Variants in TRIP13 observed in about 807,000 individuals in gnomAD.
TRIP13 encodes the protein pachytene checkpoint protein 2 homolog.
In TRIP13, 25 loss-of-function variants were observed where a neutral mutation model predicts 54.4. That is an observed-to-expected ratio of 0.46 (90% CI 0.33 to 0.64). The LOEUF (loss-of-function observed/expected upper bound fraction) is 0.64, where lower values mean the gene tolerates loss of function less well. TRIP13 is among the 30% of genes least tolerant of loss of function. TRIP13 has a pLI of 0.02. For missense variants in TRIP13, 373 were observed against 534.2 expected (o/e 0.70, Z 2.97); for synonymous variants, 207 against 207.8 (o/e 1.00, Z 0.03).
chr5:905,201 C>T (rs113274199), intron 6 of TRIP13, among the ~76,000 whole-genome samples: 2 of 152,114 alleles, frequency 1.3e-5, no homozygotes, highest in African/African-American at 4.8e-5. Flanking sequence ...AATTGTGGTC[C>T]TCTGGGGTCT....
rs1402650463 is a variant in TRIP13 at position 900,404 on chromosome 5, A to G, written c.389-90A>G. 7.1e-6 allele frequency: 9 copies of G among 1,272,322 alleles called. No homozygotes were observed. The East Asian group carries it at 1.9e-4, about 27-fold the overall frequency. 78.8% of individuals were successfully genotyped at this position (1,272,322 alleles called of 1,614,324 possible). ...TCTTGCCTGGAGCAGCACAATGGGA[A>G]GCTCAGGCTTAGGCTCAGGGGAGAC... On this transcript the variant is annotated intron_variant, in intron 3 of 12. Coordinates refer to ENST00000166345, the MANE Select transcript of TRIP13 (RefSeq NM_004237.4).
intron 3 of TRIP13, among the ~76,000 whole-genome samples, chr5:897,186 T>C (rs1753935707): frequency 6.7e-6 from 1 of 149,956 alleles, no homozygotes; most frequent in Admixed American, 6.6e-5. Context: ...TTGGATGGGC[T>C]CTAGCAGGCC....
chr5:906,776 A>G (rs992850054), intron 6 of TRIP13, among the ~76,000 whole-genome samples: 2 of 152,130 alleles, frequency 1.3e-5, no homozygotes, highest in Non-Finnish European at 2.9e-5. Context: ...AAGGAGGGGA[A>G]AATGCTCAGC....
intron 3 of TRIP13, 76 bp downstream of exon 3, chr5:896,870 G>A (rs867729676): frequency 4.8e-6 from 7 of 1,465,212 alleles, no homozygotes; most frequent in Admixed American, 2.2e-5. Flanking sequence ...CAGTTCACAG[G>A]GGGGGTTCTG....
rs1754370496 is a variant in TRIP13, at chr5:917,926, C to T, written c.*823C>T. ...CTCTTTCTCCGAATGTTATGTTTTGCTTTTATCTCACAGTAAAATAAATAT... is the reference window on the plus strand; with the variant it reads ...CTCTTTCTCCGAATGTTATGTTTTGTTTTTATCTCACAGTAAAATAAATAT... On this transcript the variant is annotated 3_prime_UTR_variant, in exon 13 of 13. Coordinates refer to ENST00000166345, the MANE Select transcript of TRIP13 (RefSeq NM_004237.4). The T allele has an allele frequency of 6.6e-6, 1 of 152,118 alleles. No individual in the cohort carries two copies. Among genetic ancestry groups the T allele is most frequent in the East Asian group, 1.9e-4 (1 of 5,204 alleles). 9.4% of individuals were successfully genotyped at this position (152,118 alleles called of 1,614,324 possible). A position where few individuals can be genotyped will look rare whatever the true frequency, so the allele number is the denominator to read the frequency against.
chr5:915,650 G>A lies in TRIP13; in HGVS notation c.1134-254G>A, dbSNP rs999751763. ...TGCCTTGGGTGTGCTTCAGAGCCGCGAGGACACTGCCTCCCAGAGCAGGAG... is the reference window on the plus strand; with the variant it reads ...TGCCTTGGGTGTGCTTCAGAGCCGCAAGGACACTGCCTCCCAGAGCAGGAG... On this transcript the variant is annotated intron_variant, in intron 11 of 12. Coordinates refer to ENST00000166345, the MANE Select transcript of TRIP13 (RefSeq NM_004237.4). This position sits in a 1 kb window ranked among gnomAD's most constrained non-coding sequence, Gnocchi z 4.2. Among the ~76,000 whole-genome samples the A allele has an allele frequency of 6.6e-6, 1 of 152,206 alleles. No homozygotes were observed. The highest frequency in any genetic ancestry group is 2.4e-5 in the African/African-American group (1 of 41,444).
At chr5:896,056 G>A (rs896668487) in intron 2 of TRIP13, among the ~76,000 whole-genome samples, 3 of 152,248 alleles carry the variant, frequency 2.0e-5, no homozygotes, top group Non-Finnish European at 2.9e-5. Flanking sequence ...GCTCATGCCT[G>A]TAGTCCCAGC....
chr5:894,984 GTT>G lies in TRIP13; in HGVS notation c.258+33_258+34del, dbSNP rs751421681. 5 of 1,560,196 alleles carry G rather than the reference GTT, an allele frequency of 3.2e-6. No homozygotes were observed. The African/African-American group carries it at 9.4e-5, about 29-fold the overall frequency. Reference sequence around the variant, plus strand: ...TACTAATTTGCTGGGCCAAGGAACAGTTAGCTGAATACAAAAGGTTGTATCAT... The same window carrying G: ...TACTAATTTGCTGGGCCAAGGAACAGAGCTGAATACAAAAGGTTGTATCAT... On this transcript the variant is annotated intron_variant, in intron 2 of 12. Coordinates refer to ENST00000166345, the MANE Select transcript of TRIP13 (RefSeq NM_004237.4).
chr5:895,697 T>C (rs1397373569), intron 2 of TRIP13, among the ~76,000 whole-genome samples: 2 of 152,212 alleles, frequency 1.3e-5, no homozygotes, highest in African/African-American at 2.4e-5. Flanking sequence ...CACACTGTTG[T>C]GGAGGGATGG....
intron 11 of TRIP13, 137 bp downstream of exon 11, chr5:914,714 TAC>T (rs1754308272): frequency 3.0e-6 from 2 of 660,520 alleles, no homozygotes; most frequent in East Asian, 2.7e-5. Flanking sequence ...AACATGCATG[TAC>T]ACACGTGTGT....
intron 9 of TRIP13, chr5:909,037 T>C (rs957586460): frequency 1.3e-5 from 2 of 158,346 alleles, no homozygotes; most frequent in African/African-American, 4.8e-5. Flanking sequence ...GAAGAACTGC[T>C]ACGTTCAGGC....
rs1191806862 is a variant in TRIP13 at position 913,579 on chromosome 5, C to T, written c.1021-886C>T. Among the ~76,000 whole-genome samples, 1 of 152,178 alleles carries T rather than the reference C, an allele frequency of 6.6e-6. No individual in the cohort carries two copies. Among genetic ancestry groups the T allele is most frequent in the Non-Finnish European group, 1.5e-5 (1 of 68,034 alleles). ...TCATGTTGGCCTGGCTGGTCTCAAA[C>T]TCCTGACCTCAAGTGATCCGCCCAC... is the stretch of plus-strand genomic sequence containing the variant. On this transcript the variant is annotated intron_variant, in intron 10 of 12. Coordinates refer to ENST00000166345, the MANE Select transcript of TRIP13 (RefSeq NM_004237.4). This position sits in a 1 kb window ranked among gnomAD's most constrained non-coding sequence, Gnocchi z 4.5.
Position 912,133 on chromosome 5 carries a change from C to T in TRIP13, c.1020+137C>T. 8.4e-7 allele frequency: 1 copy of T among 1,188,366 alleles called. No homozygotes were observed. Among genetic ancestry groups the T allele is most frequent in the Non-Finnish European group, 1.2e-6 (1 of 866,380 alleles). 73.6% of individuals were successfully genotyped at this position (1,188,366 alleles called of 1,614,324 possible). On this transcript the variant is annotated intron_variant, in intron 10 of 12. Coordinates refer to ENST00000166345, the MANE Select transcript of TRIP13 (RefSeq NM_004237.4). This position sits in a 1 kb window ranked among gnomAD's most constrained non-coding sequence, Gnocchi z 7.2. ...ATTAACTCCCTTCTTAAATTGAAAA[C>T]TAGTTTTGTATGTGACAGGTTGAGC...
At position 915,011 on chromosome 5, in the gene TRIP13, C is replaced by A. The variant is rs1754315019; in HGVS notation, c.1133+434C>A. Among the ~76,000 whole-genome samples the A allele has an allele frequency of 6.6e-6, 1 of 152,070 alleles. No individual in the cohort carries two copies. The highest frequency in any genetic ancestry group is 1.5e-5 in the Non-Finnish European group (1 of 68,038). ...CTGCTGGAGCAGTGTGTTCAGGTGA[C>A]CGTCTAGTGGGTTGCAGTGTGGAGG... On this transcript the variant is annotated intron_variant, in intron 11 of 12. Coordinates refer to ENST00000166345, the MANE Select transcript of TRIP13 (RefSeq NM_004237.4). The surrounding 1 kb of genome is among the most constrained non-coding windows in gnomAD (Gnocchi z 4.2).
At chr5:904,108 C>T in intron 5 of TRIP13, 40 bp from the exon 6 acceptor site, 2 of 1,568,262 alleles carry the variant, frequency 1.3e-6, no homozygotes, top group Non-Finnish European at 1.7e-6. Flanking sequence ...TTTGTTGTAG[C>T]ACTGACTTAA....
intron 6 of TRIP13, among the ~76,000 whole-genome samples, chr5:906,210 T>C (rs753714271): frequency 4.6e-5 from 7 of 152,230 alleles, no homozygotes; most frequent in Non-Finnish European, 8.8e-5. Context: ...AAAAAAGATC[T>C]CTAGGGGCAG....
intron 11 of TRIP13, among the ~76,000 whole-genome samples, 164 bp downstream of exon 11, chr5:914,741 GCA>G: frequency 6.6e-6 from 1 of 151,698 alleles, no homozygotes; most frequent in African/African-American, 2.4e-5. Context: ...GTGTGTGTGT[GCA>G]TGTGAGTAGA....
In TRIP13 at chr5:917,199, C is replaced by T. The variant is rs71593364; in HGVS notation, c.*96C>T. On this transcript the variant is annotated 3_prime_UTR_variant, in exon 13 of 13. Transcript: ENST00000166345. ...GCCGTCTCCCAGGGAATCCCTTCTGCAAACCAAACGTTACTTAGACTGCAA... is the reference window on the plus strand; with the variant it reads ...GCCGTCTCCCAGGGAATCCCTTCTGTAAACCAAACGTTACTTAGACTGCAA... 18 of 1,197,572 alleles carry T rather than the reference C, an allele frequency of 1.5e-5. No homozygotes were observed. Among genetic ancestry groups the T allele is most frequent in the Non-Finnish European group, 2.0e-5 (17 of 844,420 alleles). The allele number at this position is 1,197,572 out of a possible 1,614,324, so 74.2% of individuals were successfully genotyped here.
At chr5:895,939 T>C (rs1290817995) in intron 2 of TRIP13, among the ~76,000 whole-genome samples, 1 of 152,214 alleles carries the variant, frequency 6.6e-6, no homozygotes, top group Non-Finnish European at 1.5e-5. Context: ...ATGTACAATA[T>C]AGCCATTAAG....
Sources: gnomAD v4.1 joint callset for allele counts (sites outside exome capture counted in the v4.1 genomes callset) on GRCh38, gnomAD v4.1.1 for gene constraint, Gnocchi (gnomAD v3.1) non-coding constraint, MANE v1.5 for transcripts, NCBI Gene and HGNC (gene_info 2026-07-23, HGNC 2026-07-21) for gene names.